Variants in SHANK2 observed in about 807,000 individuals in gnomAD.
SHANK2 encodes the protein SH3 and multiple ankyrin repeat domains 2.
A neutral mutation model predicts 133.7 loss-of-function variants in SHANK2; 43 were observed. The observed-to-expected ratio is 0.32, with a 90% CI of 0.25 to 0.41. The LOEUF (loss-of-function observed/expected upper bound fraction) is 0.41, where lower values mean the gene tolerates loss of function less well. Ranked by LOEUF, SHANK2 falls within the 10% of genes least tolerant of loss-of-function variation. SHANK2 has a pLI of 1.00. For synonymous variants in SHANK2, 1,017 were observed against 952.8 expected (o/e 1.07, Z -1.24); for missense variants, 1,994 against 2,235.8 (o/e 0.89, Z 2.18).
rs1394848906 is a variant in SHANK2 at position 70,807,187 on chromosome 11, G to A, written c.1494-16C>T. 1 of 714,776 alleles carries A rather than the reference G, an allele frequency of 1.4e-6. No individual in the cohort carries two copies. The highest frequency in any genetic ancestry group is 2.6e-6 in the Non-Finnish European group (1 of 384,466). The allele number at this position is 714,776 out of a possible 1,614,324, so 44.3% of individuals were successfully genotyped here. On this transcript the variant is annotated splice_polypyrimidine_tract_variant and intron_variant, in intron 12 of 25. Transcript: ENST00000601538. The surrounding 1 kb of genome is among the most constrained non-coding windows in gnomAD (Gnocchi z 4.8). ...AAAAGGCGACCTGGACCAGGTGAGA[G>A]GGGCAGAGAGAGAGAGAGCAGAGTC... is the stretch of plus-strand genomic sequence containing the variant.
chr11:70,778,294 T>C (rs1394813562), intron 14 of SHANK2, among the ~76,000 whole-genome samples: 1 of 152,208 alleles, frequency 6.6e-6, no homozygotes, highest in Non-Finnish European at 1.5e-5. Context: ...GTCTCTGCCT[T>C]CGGCTCACAC....
intron 15 of SHANK2, among the ~76,000 whole-genome samples, chr11:70,682,441 C>T (rs1945049688): frequency 6.6e-6 from 1 of 152,210 alleles, no homozygotes; most frequent in South Asian, 2.1e-4. Context: ...GAGTTTGAGA[C>T]CTGCCTGGCC....
At chr11:70,679,323 G>A (rs1235826712) in intron 15 of SHANK2, among the ~76,000 whole-genome samples, 9 of 152,356 alleles carry the variant, frequency 5.9e-5, no homozygotes, top group African/African-American at 2.2e-4. Context: ...TGGCGGAGCT[G>A]GGCATCCAAC....
At chr11:71,216,738 C>T (rs546871240) in intron 2 of SHANK2, among the ~76,000 whole-genome samples, 117 of 152,276 alleles carry the variant, frequency 7.7e-4, no homozygotes, top group Non-Finnish European at 1.2e-3. Flanking sequence ...GCATTCCTCA[C>T]GCGTCTGTGA....
At chr11:70,613,560 G>A (rs1439510525) in intron 17 of SHANK2, among the ~76,000 whole-genome samples, 2 of 152,014 alleles carry the variant, frequency 1.3e-5, no homozygotes, top group Non-Finnish European at 2.9e-5. Context: ...GGAAGACCTG[G>A]CCATGTGCAG....
intron 8 of SHANK2, among the ~76,000 whole-genome samples, chr11:71,080,687 C>T (rs1951286935): frequency 6.6e-6 from 1 of 152,182 alleles, no homozygotes; most frequent in African/African-American, 2.4e-5. Context: ...AACAAAGAGT[C>T]ACATCATTTC....
At chr11:70,943,071 G>A (rs1447159477) in intron 10 of SHANK2, 1 of 456,728 alleles carries the variant, frequency 2.2e-6, no homozygotes, top group African/African-American at 2.0e-5. Context: ...TCCTGCAGAG[G>A]AAGCACTTCG....
chr11:70,565,928 C>T (rs538922063), intron 17 of SHANK2, among the ~76,000 whole-genome samples: 9 of 152,068 alleles, frequency 5.9e-5, no homozygotes, highest in African/African-American at 1.2e-4. Flanking sequence ...TCTGTTTTCA[C>T]GCTGCCGATA....
chr11:70,659,094 A>G (rs2061447513), intron 17 of SHANK2, among the ~76,000 whole-genome samples: 1 of 152,174 alleles, frequency 6.6e-6, no homozygotes, highest in South Asian at 2.1e-4. Context: ...AAACTCACAA[A>G]AAGGCGAGGT....
At chr11:70,651,030 A>G (rs1376113834) in intron 17 of SHANK2, among the ~76,000 whole-genome samples, 1 of 152,188 alleles carries the variant, frequency 6.6e-6, no homozygotes, top group Non-Finnish European at 1.5e-5. Context: ...AGTTCAAGAA[A>G]CTGAGGCCAA....
At chr11:70,583,451 T>C (rs1398363142) in intron 17 of SHANK2, among the ~76,000 whole-genome samples, 16 of 152,184 alleles carry the variant, frequency 1.1e-4, no homozygotes, top group African/African-American at 3.9e-4. Context: ...TCCTGCCCTG[T>C]GCCTACAGCA....
At chr11:70,914,717 T>TAAAATAAAATAAAAC (rs1489678395) in intron 10 of SHANK2, among the ~76,000 whole-genome samples, 127 of 145,468 alleles carry the variant, frequency 8.7e-4, no homozygotes, top group African/African-American at 2.6e-3. Flanking sequence ...TAAAATAAAA[T>TAAAATAAAATAAAAC]AAAACAAAAC....
At chr11:71,196,614 G>A (rs1953908428) in intron 2 of SHANK2, among the ~76,000 whole-genome samples, 1 of 151,980 alleles carries the variant, frequency 6.6e-6, no homozygotes, top group Non-Finnish European at 1.5e-5. Flanking sequence ...TAAAAAGGGA[G>A]AGAGACTAGC....
At chr11:71,110,831 T>A (rs1951881571) in intron 5 of SHANK2, among the ~76,000 whole-genome samples, 1 of 152,232 alleles carries the variant, frequency 6.6e-6, no homozygotes, top group Non-Finnish European at 1.5e-5. Flanking sequence ...AACGTGTGTG[T>A]CCCCGCAAAA....
At chr11:71,090,625 CTGTGTGTGTGTGTGTGTGTG>C (rs782587800) in intron 8 of SHANK2, among the ~76,000 whole-genome samples, 1 of 102,892 alleles carries the variant, frequency 9.7e-6, no homozygotes, top group Non-Finnish European at 2.1e-5. Context: ...AACACAACCT[CTGTGTGTGTGTGTGTGTGTG>C]TGTGTGTGTG....
chr11:71,222,697 G>C (rs1444981625), intron 2 of SHANK2, among the ~76,000 whole-genome samples: 1 of 152,262 alleles, frequency 6.6e-6, no homozygotes, highest in African/African-American at 2.4e-5. Context: ...TCAACCCCGA[G>C]CCTGCAGGGA....
rs1555072658 is a variant in SHANK2 at position 70,882,773 on chromosome 11, C to T, written c.1174+13728G>A. Among the ~76,000 whole-genome samples, 1 of 152,226 alleles carries T rather than the reference C, an allele frequency of 6.6e-6. No individual in the cohort carries two copies. The highest frequency in any genetic ancestry group is 2.4e-5 in the African/African-American group (1 of 41,462). ...AAAGGCCACCTCTGTGCCATCTGTC[C>T]ACGCTGGCCCAGCATCTGCGAGCAC... On this transcript the variant is annotated intron_variant, in intron 11 of 25. Transcript: ENST00000601538. The surrounding 1 kb of genome is among the most constrained non-coding windows in gnomAD (Gnocchi z 4.2).
chr11:70,730,428 C>T (rs1946264508), intron 14 of SHANK2, among the ~76,000 whole-genome samples: 1 of 152,182 alleles, frequency 6.6e-6, no homozygotes, highest in Non-Finnish European at 1.5e-5. Flanking sequence ...CCCCGAAGCC[C>T]ATCCCTATAA....
intron 11 of SHANK2, among the ~76,000 whole-genome samples, chr11:70,822,505 G>A (rs1948544957): frequency 6.6e-6 from 1 of 152,142 alleles, no homozygotes; most frequent in African/African-American, 2.4e-5. Flanking sequence ...GGGGACAGAG[G>A]TGGAGTTGGC....
Sources: gnomAD v4.1 joint callset for allele counts (sites outside exome capture counted in the v4.1 genomes callset) on GRCh38, gnomAD v4.1.1 for gene constraint, Gnocchi (gnomAD v3.1) non-coding constraint, MANE v1.5 for transcripts, NCBI Gene and HGNC (gene_info 2026-07-23, HGNC 2026-07-21) for gene names.